Variants in TIAM1 observed in about 807,000 individuals in gnomAD.
The protein encoded by TIAM1 is TIAM Rac1 associated GEF 1, also known as rho guanine nucleotide exchange factor TIAM1.
A neutral mutation model predicts 163.5 loss-of-function variants in TIAM1; 65 were observed. That is an observed-to-expected ratio of 0.40 (90% CI 0.33 to 0.49). TIAM1 has a LOEUF of 0.49. Among genes scored for constraint, TIAM1 ranks in the 20% least tolerant of loss-of-function variants. The pLI, the probability that TIAM1 is intolerant of heterozygous loss-of-function variation, is 0.77. For synonymous variants in TIAM1, 833 were observed against 810.1 expected (o/e 1.03, Z -0.48); for missense variants, 1,789 against 2,044.7 (o/e 0.87, Z 2.41).
chr21:31,325,213 G>A (rs922894762), intron 2 of TIAM1, among the ~76,000 whole-genome samples: 4 of 152,018 alleles, frequency 2.6e-5, no homozygotes, highest in African/African-American at 9.7e-5. Context: ...GAGCCTAGGA[G>A]GTGGAGGTGC....
intron 19 of TIAM1, among the ~76,000 whole-genome samples, chr21:31,148,757 T>A (rs905105918): frequency 1.3e-5 from 2 of 152,224 alleles, no homozygotes; most frequent in African/African-American, 4.8e-5. Flanking sequence ...TATGAGGGTT[T>A]ATACACAAAG....
intron 2 of TIAM1, among the ~76,000 whole-genome samples, chr21:31,461,133 T>C (rs1026002675): frequency 2.0e-5 from 3 of 152,150 alleles, no homozygotes; most frequent in Non-Finnish European, 4.4e-5. Flanking sequence ...CATACTCCTA[T>C]GAAAGAGAAA....
At chr21:31,477,535 C>A (rs544534666) in intron 1 of TIAM1, among the ~76,000 whole-genome samples, 8 of 141,478 alleles carry the variant, frequency 5.7e-5, no homozygotes, top group Non-Finnish European at 1.0e-4. Context: ...AGTGCAGTGG[C>A]GCAATCTCGG....
intron 2 of TIAM1, among the ~76,000 whole-genome samples, chr21:31,433,803 C>G (rs2044120889): frequency 6.8e-6 from 1 of 146,808 alleles, no homozygotes; most frequent in South Asian, 2.2e-4. Context: ...TCTAAATGTC[C>G]TTTTTTTTTT....
chr21:31,287,689 C>T (rs1180163628), intron 2 of TIAM1, among the ~76,000 whole-genome samples: 1 of 152,060 alleles, frequency 6.6e-6, no homozygotes, highest in African/African-American at 2.4e-5. Flanking sequence ...GTATCATTAG[C>T]CCAATGTTGC....
chr21:31,192,219 G>A (rs1471615738), intron 13 of TIAM1, among the ~76,000 whole-genome samples: 2 of 152,194 alleles, frequency 1.3e-5, no homozygotes, highest in Non-Finnish European at 1.5e-5. Flanking sequence ...ATCCTCTATT[G>A]AGTATTCCGA....
At chr21:31,230,192 C>T (rs1015699935) in intron 6 of TIAM1, among the ~76,000 whole-genome samples, 1 of 152,156 alleles carries the variant, frequency 6.6e-6, no homozygotes, top group Non-Finnish European at 1.5e-5. Flanking sequence ...ACCTACAACC[C>T]TGACATAATA....
chr21:31,448,716 G>A (rs1450591833), intron 2 of TIAM1, among the ~76,000 whole-genome samples: 1 of 151,900 alleles, frequency 6.6e-6, no homozygotes, highest in Non-Finnish European at 1.5e-5. Context: ...ACAGACCTCA[G>A]GCTGCAACTT....
At chr21:31,201,553 T>C (rs143928750) in intron 12 of TIAM1, among the ~76,000 whole-genome samples, 65 of 152,372 alleles carry the variant, frequency 4.3e-4, no homozygotes, top group African/African-American at 1.5e-3. Flanking sequence ...TCAAAACTCA[T>C]TGGATTGTGT....
At chr21:31,298,671 G>A (rs141634102) in intron 2 of TIAM1, among the ~76,000 whole-genome samples, 57 of 151,764 alleles carry the variant, frequency 3.8e-4, no homozygotes, top group African/African-American at 1.3e-3. Flanking sequence ...TAACGTGACA[G>A]ACGTCATCCT....
At chr21:31,372,400 G>A (rs138299754) in intron 2 of TIAM1, among the ~76,000 whole-genome samples, 2 of 152,274 alleles carry the variant, frequency 1.3e-5, no homozygotes, top group African/African-American at 4.8e-5. Flanking sequence ...AGCTGAAAAG[G>A]TTTGAACTGA....
intron 2 of TIAM1, among the ~76,000 whole-genome samples, chr21:31,439,999 T>C (rs761104326): frequency 6.6e-6 from 1 of 152,216 alleles, no homozygotes; most frequent in Non-Finnish European, 1.5e-5. Context: ...CAATGTAACC[T>C]TGCAGTTACC....
chr21:31,465,789 C>G (rs2045508067), intron 1 of TIAM1, among the ~76,000 whole-genome samples: 2 of 152,330 alleles, frequency 1.3e-5, no homozygotes, highest in South Asian at 2.1e-4. Flanking sequence ...CCTGGATGGT[C>G]TCAATCTCCT....
chr21:31,308,116 T>TG (rs2074786537), intron 2 of TIAM1, among the ~76,000 whole-genome samples: 1 of 152,102 alleles, frequency 6.6e-6, no homozygotes, highest in Non-Finnish European at 1.5e-5. Context: ...TTGGGCGTGG[T>TG]GGTGTGCACC....
At chr21:31,540,991 TAC>T (rs1364648491) in intron 1 of TIAM1, among the ~76,000 whole-genome samples, 1 of 152,212 alleles carries the variant, frequency 6.6e-6, no homozygotes, top group Non-Finnish European at 1.5e-5. Context: ...TATGGATATA[TAC>T]ATCAACTGAT....
At chr21:31,256,628 C>T (rs1451987130) in intron 4 of TIAM1, among the ~76,000 whole-genome samples, 1 of 146,890 alleles carries the variant, frequency 6.8e-6, no homozygotes, top group Non-Finnish European at 1.5e-5. Flanking sequence ...CACACACACA[C>T]GTATATTATC....
At chr21:31,409,961 A>G (rs887979604) in intron 2 of TIAM1, among the ~76,000 whole-genome samples, 13 of 151,968 alleles carry the variant, frequency 8.6e-5, no homozygotes, top group African/African-American at 3.1e-4. Context: ...CCTTTGAGAG[A>G]AAAAAGGAGA....
intron 2 of TIAM1, among the ~76,000 whole-genome samples, chr21:31,379,801 T>A (rs897751482): frequency 6.6e-6 from 1 of 152,186 alleles, no homozygotes; most frequent in African/African-American, 2.4e-5. Context: ...ATTCCTTTCA[T>A]ATAAAATGTC....
At position 31,373,436 on chromosome 21, in the gene TIAM1, A is replaced by G. The variant is rs531383451; in HGVS notation, c.-368-34014T>C. ...AGAATCATGGCAGGAAGCGAAAGGC[A>G]CTTCTTTCGTGGTGGTGGCAAGAGA... On this transcript the variant is annotated intron_variant, in intron 2 of 28. Transcript: ENST00000286827. 3.3e-4 allele frequency among the ~76,000 whole-genome samples: 50 copies of G among 152,264 alleles called. 1 individual carries two copies. Among genetic ancestry groups the G allele is most frequent in the East Asian group, 5.8e-4 (3 of 5,174 alleles).
Sources: gnomAD v4.1 joint callset for allele counts (sites outside exome capture counted in the v4.1 genomes callset) on GRCh38, gnomAD v4.1.1 for gene constraint, MANE v1.5 for transcripts, NCBI Gene and HGNC (gene_info 2026-07-23, HGNC 2026-07-21) for gene names.